The following PTDSS1 variants were observed in gnomAD, a reference collection of about 807,000 sequenced individuals.
The protein encoded by PTDSS1 is PSS-1.
PTDSS1 carries 45 observed loss-of-function variants against 70.5 expected under a neutral mutation model. That is an observed-to-expected ratio of 0.64 (90% CI 0.50 to 0.82). PTDSS1 has a LOEUF of 0.82. PTDSS1 is among the 40% of genes least tolerant of loss of function. The pLI is 0.00. For synonymous variants in PTDSS1, 188 were observed against 203.8 expected, an observed-to-expected ratio of 0.92 and a Z score of 0.66; for missense variants, 417 against 586.1, an observed-to-expected ratio of 0.71 and a Z score of 2.98.
intron 2 of PTDSS1, among the ~76,000 whole-genome samples, chr8:96,282,876 A>G (rs1239256639): frequency 6.6e-6 from 1 of 152,162 alleles, no homozygotes; most frequent in Non-Finnish European, 1.5e-5. Context: ...TTGGAAACCA[A>G]CCATAGTCTG....
Position 96,262,263 on chromosome 8 carries a change from GAAGAGGCGGGAGGGA to G in PTDSS1, c.179+45_179+59del. On this transcript the variant is annotated intron_variant, in intron 1 of 12. Coordinates refer to ENST00000517309, the MANE Select transcript of PTDSS1 (RefSeq NM_014754.3). The surrounding 1 kb of genome is among the most constrained non-coding windows in gnomAD (Gnocchi z 4.4). ...GCGGGGGGCGCGTCCAAGGGCTAGG[GAAGAGGCGGGAGGGA>G]GGGTGGCGGGGAGGGGGGCCCGGCA... 1.3e-6 allele frequency: 1 copy of G among 763,950 alleles called. No individual in the cohort carries two copies. The allele number at this position is 763,950 out of a possible 1,614,324, so 47.3% of individuals were successfully genotyped here. A position where few individuals can be genotyped will look rare whatever the true frequency, so the allele number is the denominator to read the frequency against.
chr8:96,307,405 A>G (rs1026195302), intron 8 of PTDSS1, among the ~76,000 whole-genome samples: 2 of 149,022 alleles, frequency 1.3e-5, no homozygotes, highest in Admixed American at 6.8e-5. Context: ...TTGGTCAAAC[A>G]GACCTTCCAG....
intron 2 of PTDSS1, among the ~76,000 whole-genome samples, chr8:96,278,693 T>C (rs986085679): frequency 6.6e-6 from 1 of 152,170 alleles, no homozygotes; most frequent in Non-Finnish European, 1.5e-5. Context: ...AGAAACCTAT[T>C]TGAGTCTCCA....
chr8:96,334,029 CTT>C lies in PTDSS1; in HGVS notation c.*466_*467del, dbSNP rs1811560199. On this transcript the variant is annotated 3_prime_UTR_variant, in exon 13 of 13. Coordinates refer to ENST00000517309, the MANE Select transcript of PTDSS1 (RefSeq NM_014754.3). ...ATTTAAGTTCAGGCCACTTTTCTGT[CTT>C]TTATTTGGTTACTGTTGTTATTTGT... 2.3e-6 allele frequency: 1 copy of C among 432,976 alleles called. No individual in the cohort carries two copies. The allele number at this position is 432,976 out of a possible 1,614,324, so 26.8% of individuals were successfully genotyped here.
intron 2 of PTDSS1, among the ~76,000 whole-genome samples, chr8:96,282,516 A>G (rs1810753287): frequency 6.6e-6 from 1 of 152,244 alleles, no homozygotes; most frequent in African/African-American, 2.4e-5. Flanking sequence ...ACTACCTGCC[A>G]TCCAAAACGC....
chr8:96,291,696 A>T (rs186497161), intron 4 of PTDSS1, among the ~76,000 whole-genome samples: 2 of 152,288 alleles, frequency 1.3e-5, no homozygotes, highest in South Asian at 2.1e-4. Context: ...GGTTTTTCAC[A>T]TCTGGATTTT....
intron 4 of PTDSS1, among the ~76,000 whole-genome samples, chr8:96,289,538 C>A (rs1295246208): frequency 1.3e-5 from 2 of 152,128 alleles, no homozygotes; most frequent in Non-Finnish European, 2.9e-5. Flanking sequence ...GGACAAGGAC[C>A]AAATTATGTA....
chr8:96,292,304 A>AAG, intron 4 of PTDSS1, among the ~76,000 whole-genome samples: 2 of 151,686 alleles, frequency 1.3e-5, no homozygotes, highest in South Asian at 2.1e-4. Context: ...AAAAAAAAAA[A>AAG]AAAAAAGAAA....
At chr8:96,324,707 C>A (rs761324253) in intron 10 of PTDSS1, among the ~76,000 whole-genome samples, 1 of 152,198 alleles carries the variant, frequency 6.6e-6, no homozygotes, top group Non-Finnish European at 1.5e-5. Context: ...AAAGGCCCCA[C>A]CTCCTAATAC....
chr8:96,267,884 A>G (rs530562406), intron 1 of PTDSS1, among the ~76,000 whole-genome samples: 2 of 152,110 alleles, frequency 1.3e-5, no homozygotes, highest in Admixed American at 6.5e-5. Context: ...ACCTCCCGCC[A>G]CCTCCTGCCC....
intron 11 of PTDSS1, 25 bp from the exon 12 acceptor site, chr8:96,331,001 G>T (rs749986767): frequency 6.3e-7 from 1 of 1,594,934 alleles, no homozygotes; most frequent in African/African-American, 1.3e-5. Flanking sequence ...TAAAATTCCT[G>T]CACTAAGCCT....
intron 9 of PTDSS1, among the ~76,000 whole-genome samples, chr8:96,315,490 A>T (rs780221775): frequency 6.6e-6 from 1 of 152,282 alleles, no homozygotes; most frequent in Middle Eastern, 3.4e-3. Context: ...ACGAGCCTAG[A>T]GCTTTCATGC....
intron 2 of PTDSS1, among the ~76,000 whole-genome samples, chr8:96,280,481 C>G (rs1460839910): frequency 6.6e-6 from 1 of 152,030 alleles, no homozygotes; most frequent in Non-Finnish European, 1.5e-5. Flanking sequence ...GAGATTGAAG[C>G]CTGCAGTGAG....
chr8:96,263,491 G>T (rs1810442415), intron 1 of PTDSS1, among the ~76,000 whole-genome samples: 1 of 152,160 alleles, frequency 6.6e-6, no homozygotes, highest in Non-Finnish European at 1.5e-5. Context: ...CTCGTAAAAT[G>T]GGGATGAAAT....
chr8:96,283,240 C>G (rs1460545820), intron 2 of PTDSS1, among the ~76,000 whole-genome samples: 1 of 152,188 alleles, frequency 6.6e-6, no homozygotes, highest in Non-Finnish European at 1.5e-5. Flanking sequence ...TCTGGTGTCT[C>G]TCCTGGGGAC....
Position 96,278,727 on chromosome 8 carries a change from G to A in PTDSS1, c.271+5337G>A, listed in dbSNP as rs144267250. ...CAGTTGGCTGGAGATTTCTTTCAAC[G>A]GTCGACCTTCTGGTGTACATTTCCT... On this transcript the variant is annotated intron_variant, in intron 2 of 12. Transcript: ENST00000517309. Among the ~76,000 whole-genome samples, 731 of 152,104 alleles carry A rather than the reference G, an allele frequency of 4.8e-3. 2 individuals carry two copies. The highest frequency in any genetic ancestry group is 0.014 in the African/African-American group (585 of 41,498).
intron 2 of PTDSS1, among the ~76,000 whole-genome samples, chr8:96,277,950 TC>T (rs1402112938): frequency 3.3e-5 from 5 of 152,220 alleles, no homozygotes; most frequent in Non-Finnish European, 5.9e-5. Flanking sequence ...AACAAGACGT[TC>T]TGAGATAGGG....
chr8:96,302,768 G>A (rs575388121), intron 6 of PTDSS1, among the ~76,000 whole-genome samples: 1 of 152,144 alleles, frequency 6.6e-6, no homozygotes, highest in African/African-American at 2.4e-5. Flanking sequence ...TTTTAGTAGA[G>A]ACAGGGTTTC....
chr8:96,301,907 A>G (rs1030281269), intron 6 of PTDSS1, among the ~76,000 whole-genome samples: 3 of 152,132 alleles, frequency 2.0e-5, no homozygotes, highest in South Asian at 2.1e-4. Flanking sequence ...AGATTTCACA[A>G]TGTTTTTGCC....
Sources: allele counts gnomAD v4.1 joint callset (sites outside exome capture counted in the v4.1 genomes callset), GRCh38; gene constraint gnomAD v4.1.1; non-coding constraint Gnocchi (gnomAD v3.1); transcripts MANE v1.5; gene names NCBI Gene and HGNC (gene_info 2026-07-23, HGNC 2026-07-21).